Variants in BTG3 observed in about 807,000 individuals in gnomAD.
BTG3 encodes BTG anti-proliferation factor 3.
In BTG3, 4 loss-of-function variants were observed where a neutral mutation model predicts 25.8. The ratio of observed to expected loss-of-function variants is 0.16; its 90% CI spans 0.08 to 0.36. The LOEUF is 0.36. Among genes scored for constraint, BTG3 ranks in the 10% least tolerant of loss-of-function variants. The pLI is 1.00. For missense variants in BTG3, 201 were observed against 304.9 expected (o/e 0.66, Z 2.54); for synonymous variants, 107 against 99.9 (o/e 1.07, Z -0.42).
rs557326456 is a variant in BTG3 at position 17,609,398 on chromosome 21, T to C, written c.-8-246A>G. On this transcript the variant is annotated intron_variant, in intron 1 of 4. Transcript: ENST00000348354. Reference sequence around the variant, plus strand: ...GAAGAAATTCCATAAAGATAGCACGTTGCTCCTGTTGGCTAAAATAAAACC... The same window carrying C: ...GAAGAAATTCCATAAAGATAGCACGCTGCTCCTGTTGGCTAAAATAAAACC... Among the ~76,000 whole-genome samples, 94 of 152,336 alleles carry C rather than the reference T, an allele frequency of 6.2e-4. 3 individuals are homozygous for C. The South Asian group carries it at 0.018, about 30-fold the overall frequency.
rs569694722 is a variant in BTG3, at chr21:17,594,335, G to A, written c.520-3C>T. ...GGTGGAAATATAAGTTCTGAAATCT[G>A]TAGGGAAGAGAACACATTAAGTTAA... On this transcript the variant is annotated splice_region_variant and splice_polypyrimidine_tract_variant and intron_variant, in intron 4 of 4. Transcript: ENST00000348354. 45 of 1,611,930 alleles carry A rather than the reference G, an allele frequency of 2.8e-5. 1 individual carries two copies. The South Asian group carries it at 4.8e-4, about 17-fold the overall frequency.
Position 17,609,067 on chromosome 21 carries a change from T to C in BTG3, c.78A>G (p.Ala26=). The change falls in exon 2 of 5, where the codon GCA becomes GCG. Residue 26 remains alanine (A), a synonymous_variant. Coordinates refer to ENST00000348354, the MANE Select transcript of BTG3 (RefSeq NM_006806.5). Reference sequence around the variant, plus strand: ...TCAATTTCTCAGCAAACCTCTCAACTGCCTCTTTTTTCAACTTATCATGTT... The same window carrying C: ...TCAATTTCTCAGCAAACCTCTCAACCGCCTCTTTTTTCAACTTATCATGTT... ...VRKHDKLKKE[A]VERFAEKLTL... The C allele has an allele frequency of 6.2e-7, 1 of 1,614,150 alleles. No individual in the cohort carries two copies.
intron 4 of BTG3, among the ~76,000 whole-genome samples, chr21:17,595,799 AAT>A (rs1461391885): frequency 6.6e-6 from 1 of 152,044 alleles, no homozygotes; most frequent in Non-Finnish European, 1.5e-5. Flanking sequence ...GTAAATATTT[AAT>A]ACTTAGGAGT....
chr21:17,609,327 G>C lies in BTG3; in HGVS notation c.-8-175C>G, dbSNP rs552877473. ...ATCTACTTATCTTTATGCCATAAAG[G>C]CCTTATTATAAAATACTACTTAAAA... On this transcript the variant is annotated intron_variant, in intron 1 of 4. Coordinates refer to ENST00000348354, the MANE Select transcript of BTG3 (RefSeq NM_006806.5). Among the ~76,000 whole-genome samples the C allele has an allele frequency of 1.2e-4, 19 of 152,014 alleles. 1 individual carries two copies. Among genetic ancestry groups the C allele is most frequent in the African/African-American group, 4.6e-4 (19 of 41,462 alleles).
intron 3 of BTG3, among the ~76,000 whole-genome samples, chr21:17,603,922 C>T (rs542632014): frequency 6.6e-6 from 1 of 152,258 alleles, no homozygotes; most frequent in East Asian, 1.9e-4. Context: ...GCTTACTTTT[C>T]TTCTCAATTT....
At chr21:17,595,962 G>A (rs933413615) in intron 4 of BTG3, among the ~76,000 whole-genome samples, 8 of 151,952 alleles carry the variant, frequency 5.3e-5, no homozygotes, top group Non-Finnish European at 1.2e-4. Context: ...CTTTTAAATT[G>A]TGCAGTTCTG....
chr21:17,611,782 GA>G (rs1034516350), intron 1 of BTG3: 2 of 152,250 alleles, frequency 1.3e-5, no homozygotes, highest in Non-Finnish European at 2.9e-5. Context: ...CGGCTGCGTG[GA>G]TAAAACCCAA....
At chr21:17,598,486 G>T in intron 4 of BTG3, 131 bp downstream of exon 4, 1 of 727,792 alleles carries the variant, frequency 1.4e-6, no homozygotes, top group Non-Finnish European at 2.2e-6. Flanking sequence ...CTTTCCCTTA[G>T]CATGGGGAAA....
intron 2 of BTG3, 148 bp from the exon 3 acceptor site, chr21:17,605,145 G>T: frequency 1.1e-6 from 1 of 888,766 alleles, no homozygotes; most frequent in Non-Finnish European, 1.6e-6. Context: ...ATCCTAAACA[G>T]ATAATAAATG....
chr21:17,593,827 G>T lies in BTG3; in HGVS notation c.*266C>A. On this transcript the variant is annotated 3_prime_UTR_variant, in exon 5 of 5. Coordinates refer to ENST00000348354, the MANE Select transcript of BTG3 (RefSeq NM_006806.5). ...CTACAGTGTTCTCGTATCCAACAGAGTTGATGCACAATATATAAATACTCA... is the reference window on the plus strand; with the variant it reads ...CTACAGTGTTCTCGTATCCAACAGATTTGATGCACAATATATAAATACTCA... 2.5e-6 allele frequency: 1 copy of T among 405,406 alleles called. No homozygotes were observed. Among genetic ancestry groups the T allele is most frequent in the Admixed American group, 4.3e-5 (1 of 23,454 alleles). 25.1% of individuals were successfully genotyped at this position (405,406 alleles called of 1,614,324 possible). A position where few individuals can be genotyped will look rare whatever the true frequency, so the allele number is the denominator to read the frequency against.
intron 4 of BTG3, among the ~76,000 whole-genome samples, chr21:17,596,236 G>C (rs1297252249): frequency 6.6e-6 from 1 of 151,896 alleles, no homozygotes; most frequent in Non-Finnish European, 1.5e-5. Context: ...CTAGTCTATG[G>C]TTTGCCCATT....
intron 3 of BTG3, 128 bp from the exon 4 acceptor site, chr21:17,598,952 C>T: frequency 1.4e-6 from 1 of 718,760 alleles, no homozygotes; most frequent in South Asian, 1.9e-5. Context: ...CAGAACTTGA[C>T]CCTACACATT....
rs150525005 is a variant in BTG3, at chr21:17,596,456, T to C, written c.520-2124A>G. On this transcript the variant is annotated intron_variant, in intron 4 of 4. Transcript: ENST00000348354. ...AGGTACACAATCCATCTCAAATCAA[T>C]ATTTTTGTGTATGGTGTCAGCTAAG... Among the ~76,000 whole-genome samples, 7 of 152,166 alleles carry C rather than the reference T, an allele frequency of 4.6e-5. 1 individual carries two copies. The highest frequency in any genetic ancestry group is 1.7e-4 in the African/African-American group (7 of 41,570).
chr21:17,601,867 A>G (rs1345032621), intron 3 of BTG3, among the ~76,000 whole-genome samples: 1 of 152,232 alleles, frequency 6.6e-6, no homozygotes, highest in East Asian at 1.9e-4. Context: ...TTGAAGGATC[A>G]GCATTATTAA....
intron 4 of BTG3, 94 bp downstream of exon 4, chr21:17,598,523 A>C: frequency 1.9e-6 from 2 of 1,053,324 alleles, no homozygotes; most frequent in South Asian, 1.6e-5. Flanking sequence ...CAGAATCTCA[A>C]GTCAGAAACC....
At chr21:17,595,938 T>G (rs2123426979) in intron 4 of BTG3, among the ~76,000 whole-genome samples, 1 of 152,154 alleles carries the variant, frequency 6.6e-6, no homozygotes, top group African/African-American at 2.4e-5. Context: ...TTGCTAACAT[T>G]TCATGCTGTC....
chr21:17,612,061 G>C (rs929678530), intron 1 of BTG3: 11 of 152,348 alleles, frequency 7.2e-5, no homozygotes, highest in African/African-American at 2.7e-4. Flanking sequence ...CCTGCTGCTA[G>C]GCTCTCCCGC....
intron 3 of BTG3, chr21:17,599,086 A>C: frequency 2.9e-6 from 1 of 342,870 alleles, no homozygotes; most frequent in Non-Finnish European, 5.2e-6. Flanking sequence ...ATTCCTAAAA[A>C]AAAAATTGTT....
chr21:17,608,177 G>A (rs1418029483), intron 2 of BTG3, among the ~76,000 whole-genome samples: 1 of 152,068 alleles, frequency 6.6e-6, no homozygotes, highest in Non-Finnish European at 1.5e-5. Context: ...ACTCACCTGG[G>A]TAACACAGCA....
Sources: gnomAD v4.1 joint callset for allele counts (sites outside exome capture counted in the v4.1 genomes callset) on GRCh38, gnomAD v4.1.1 for gene constraint, MANE v1.5 for transcripts, NCBI Gene and HGNC (gene_info 2026-07-23, HGNC 2026-07-21) for gene names.